The following DHX37 variants were observed in gnomAD, a reference collection of about 807,000 sequenced individuals.
DHX37 encodes the protein probable ATP-dependent RNA helicase DHX37.
A neutral mutation model predicts 134.3 loss-of-function variants in DHX37; 52 were observed. The observed-to-expected ratio is 0.39, with a 90% CI of 0.31 to 0.49. DHX37 has a LOEUF of 0.49. Ranked by LOEUF, DHX37 falls within the 20% of genes least tolerant of loss-of-function variation. The pLI, the probability that DHX37 is intolerant of heterozygous loss-of-function variation, is 0.93. For missense variants in DHX37, 1,344 were observed against 1,580.8 expected, an observed-to-expected ratio of 0.85 and a Z score of 2.54; for synonymous variants, 634 against 670.7, an observed-to-expected ratio of 0.95 and a Z score of 0.85.
chr12:124,972,590 G>A lies in DHX37; in HGVS notation c.990C>T (p.Ser330=). 1 of 1,614,180 alleles carries A rather than the reference G, an allele frequency of 6.2e-7. No homozygotes were observed. Among genetic ancestry groups the A allele is most frequent in the Non-Finnish European group, 8.5e-7 (1 of 1,180,004 alleles). The change falls in exon 7 of 27, where the codon TCC becomes TCT. Residue 330 remains serine (S), a synonymous_variant. Coordinates refer to ENST00000308736, the MANE Select transcript of DHX37 (RefSeq NM_032656.4). ...KEMNLSQRVV[S]YQIRYEGNVT... is the part of the protein sequence containing the mutation. ...CGTTTCCTTCATACCGGATCTGGTAGGAGACGACCCTGTATGGGCAGAGTT... is the reference window on the plus strand; with the variant it reads ...CGTTTCCTTCATACCGGATCTGGTAAGAGACGACCCTGTATGGGCAGAGTT...
intron 13 of DHX37, 74 bp downstream of exon 13, chr12:124,965,594 G>C: frequency 2.0e-6 from 3 of 1,469,818 alleles, no homozygotes; most frequent in Non-Finnish European, 2.7e-6. Context: ...CCCCCGGGGG[G>C]CCCACAAGGG....
intron 18 of DHX37, among the ~76,000 whole-genome samples, chr12:124,954,991 C>T (rs939224993): frequency 1.3e-5 from 2 of 152,182 alleles, no homozygotes; most frequent in South Asian, 2.1e-4. Flanking sequence ...GAGAGAGATT[C>T]GAACCATACC....
Position 124,960,364 on chromosome 12 carries a change from C to T in DHX37, c.2105G>A (p.Arg702Gln), listed in dbSNP as rs114877276. 30 of 1,614,002 alleles carry T rather than the reference C, an allele frequency of 1.9e-5. No individual in the cohort carries two copies. The highest frequency in any genetic ancestry group is 1.6e-4 in the Middle Eastern group (1 of 6,084). The change falls in exon 16 of 27, where the codon CGG becomes CAG. Residue 702 changes from arginine (R) to glutamine (Q), a missense_variant. Coordinates refer to ENST00000308736, the MANE Select transcript of DHX37 (RefSeq NM_032656.4). ...AAGGATTAAGTCTTCAACAGGCCTC[C>T]GGGTGATTTCTGGAGGAGGAAACTG... ...FEQFPPPEIT[R>Q]RPVEDLILQM...
rs996689491 is a variant in DHX37, at chr12:124,980,251, C to T, written c.738+239G>A. On this transcript the variant is annotated intron_variant, in intron 4 of 26. Transcript: ENST00000308736. The surrounding 1 kb of genome is among the most constrained non-coding windows in gnomAD (Gnocchi z 5.3). ...GCAGTGGCGATGAAGCTACTGCCGC[C>T]GACCTCCAGGGCCCCGAGCCTGCCA... Among the ~76,000 whole-genome samples the T allele has an allele frequency of 9.8e-5, 15 of 152,362 alleles. 1 individual carries two copies. Among genetic ancestry groups the T allele is most frequent in the African/African-American group, 1.4e-4 (6 of 41,592 alleles).
At chr12:124,956,661 G>A in intron 18 of DHX37, 30 bp downstream of exon 18, 1 of 1,518,928 alleles carries the variant, frequency 6.6e-7, no homozygotes, top group Non-Finnish European at 8.9e-7. Flanking sequence ...ACTGAGCTTG[G>A]CCCTGAGTGC....
intron 15 of DHX37, among the ~76,000 whole-genome samples, chr12:124,961,176 GCATGCGCGCACGCA>G (rs1463815482): frequency 2.6e-5 from 2 of 76,256 alleles, no homozygotes; most frequent in African/African-American, 5.7e-5. Context: ...ATACACGCGC[GCATGCGCGCACGCA>G]CACACACACA....
chr12:124,960,510 CA>C (rs1954214725), intron 15 of DHX37, 87 bp from the exon 16 acceptor site: 1 of 1,544,984 alleles, frequency 6.5e-7, no homozygotes, highest in African/African-American at 1.4e-5. Context: ...GAAACCGGGA[CA>C]ACAAACAAAA....
In DHX37 at chr12:124,980,742, C is replaced by T; in HGVS notation, c.486G>A (p.Glu162=). 3 of 1,558,422 alleles carry T rather than the reference C, an allele frequency of 1.9e-6. No individual in the cohort carries two copies. Among genetic ancestry groups the T allele is most frequent in the Non-Finnish European group, 2.6e-6 (3 of 1,153,394 alleles). ...ATTCCGACTCCTCCTCCTCCTCCTC[C>T]TCCTCCTCAGCTGAGGGCCAGCGGC... ...KRRRWPSAEE[E]EEEEEESESE... The change falls in exon 4 of 27, where the codon GAG becomes GAA. Residue 162 remains glutamate, a synonymous_variant. Transcript: ENST00000308736. The surrounding 1 kb of genome is among the most constrained non-coding windows in gnomAD (Gnocchi z 5.3).
chr12:124,948,360 G>T, intron 25 of DHX37, 179 bp from the exon 26 acceptor site: 1 of 1,179,308 alleles, frequency 8.5e-7, no homozygotes, highest in Non-Finnish European at 1.2e-6. Flanking sequence ...TGAAGTAGGA[G>T]GATCCCTTGA....
intron 25 of DHX37, 24 bp from the exon 26 acceptor site, chr12:124,948,205 G>A: frequency 6.2e-7 from 1 of 1,608,902 alleles, no homozygotes; most frequent in Non-Finnish European, 8.5e-7. Context: ...ATGCACGTTG[G>A]TGGCAGGCAG....
At chr12:124,967,399 G>C (rs1448412394) in intron 10 of DHX37, among the ~76,000 whole-genome samples, 181 bp from the exon 11 acceptor site, 1 of 152,212 alleles carries the variant, frequency 6.6e-6, no homozygotes, top group Non-Finnish European at 1.5e-5. Context: ...TGCCGCCAGG[G>C]AGTTCAACAA....
rs1205309273 is a variant in DHX37, at chr12:124,968,623, G to C, written c.1319C>G (p.Thr440Ser). 1 of 1,614,150 alleles carries C rather than the reference G, an allele frequency of 6.2e-7. No homozygotes were observed. The highest frequency in any genetic ancestry group is 8.5e-7 in the Non-Finnish European group (1 of 1,180,050). Residue 440 changes from threonine (T) to serine (S), a missense_variant, in exon 10 of 27, where the codon ACT (threonine) becomes AGT (serine). Thr to Ser is a moderately conservative substitution (Grantham distance 58). Around this residue, in one of 7 missense-constraint regions of DHX37, gnomAD observed 289 missense variants for 323.8 expected, o/e 0.89. Transcript: ENST00000308736. ...CGGTGTCCGCTTGTTGAAATGCACA[G>C]TCACTGGGAACTGCCTGGATTCCAC... ...IKVESRQFPV[T>S]VHFNKRTPLE...
intron 8 of DHX37, among the ~76,000 whole-genome samples, chr12:124,970,013 C>T (rs1222253018): frequency 6.6e-6 from 1 of 152,230 alleles, no homozygotes; most frequent in Admixed American, 6.5e-5. Flanking sequence ...CGCTTTCTCA[C>T]CCAGGCTGGA....
In DHX37 at chr12:124,980,646, G is replaced by C. The variant is rs1255308814; in HGVS notation, c.582C>G (p.Thr194=). Residue 194 remains threonine, a synonymous_variant, in exon 4 of 27, where the codon ACC becomes ACG. Coordinates refer to ENST00000308736, the MANE Select transcript of DHX37 (RefSeq NM_032656.4). The surrounding 1 kb of genome is among the most constrained non-coding windows in gnomAD (Gnocchi z 5.3). ...AAEPAEAGVG[T]TVAPLPPAPA... is the part of the protein sequence containing the mutation. ...GAGCTGGCGGCAGAGGTGCCACGGT[G>C]GTCCCCACACCAGCCTCAGCCGGCT... The C allele has an allele frequency of 6.2e-7, 1 of 1,605,540 alleles. No individual in the cohort carries two copies. The highest frequency in any genetic ancestry group is 8.5e-7 in the Non-Finnish European group (1 of 1,178,312).
intron 15 of DHX37, among the ~76,000 whole-genome samples, chr12:124,962,078 C>T (rs554023438): frequency 1.3e-5 from 2 of 152,284 alleles, no homozygotes; most frequent in South Asian, 4.1e-4. Flanking sequence ...CACAGTGCCA[C>T]GTGCCTCTAC....
Position 124,947,560 on chromosome 12 carries a change from G to A in DHX37, c.*242C>T. 5.9e-6 allele frequency: 3 copies of A among 507,812 alleles called. No homozygotes were observed. Among genetic ancestry groups the A allele is most frequent in the Middle Eastern group, 1.0e-3 (2 of 1,974 alleles). The allele number at this position is 507,812 out of a possible 1,614,324, so 31.5% of individuals were successfully genotyped here. On this transcript the variant is annotated 3_prime_UTR_variant, in exon 27 of 27. Transcript: ENST00000308736. ...GAACAGAACAGCGTCCAGCACGTGA[G>A]ATGAAATCATCATCCACCATATAAT... is the stretch of plus-strand genomic sequence containing the variant.
intron 4 of DHX37, among the ~76,000 whole-genome samples, chr12:124,979,355 T>C (rs751147109): frequency 1.3e-5 from 2 of 151,840 alleles, no homozygotes; most frequent in Non-Finnish European, 2.9e-5. Flanking sequence ...GGTGACAGAG[T>C]GAGACCCTGT....
At chr12:124,971,541 G>A in intron 7 of DHX37, 126 bp from the exon 8 acceptor site, 1 of 1,452,992 alleles carries the variant, frequency 6.9e-7, no homozygotes, top group Non-Finnish European at 9.3e-7. Flanking sequence ...TCAGAGGTGA[G>A]CTGCTCAACT....
rs2135923999 is a variant in DHX37 at position 124,947,088 on chromosome 12, TC to T, written c.*713del. 6.6e-6 allele frequency: 1 copy of T among 151,404 alleles called. No individual in the cohort carries two copies. Among genetic ancestry groups the T allele is most frequent in the South Asian group, 2.1e-4 (1 of 4,760 alleles). The allele number at this position is 151,404 out of a possible 1,614,324, so 9.4% of individuals were successfully genotyped here. A position where few individuals can be genotyped will look rare whatever the true frequency, so the allele number is the denominator to read the frequency against. On this transcript the variant is annotated 3_prime_UTR_variant, in exon 27 of 27. Transcript: ENST00000308736. ...GGGAGACAAACTGAGGGCTCTGCAG[TC>T]CCCGTTCAAGGCCAACATAATAGTC...
Sources: allele counts gnomAD v4.1 joint callset (sites outside exome capture counted in the v4.1 genomes callset), GRCh38; gene constraint gnomAD v4.1.1; regional missense constraint gnomAD v4.1.1; non-coding constraint Gnocchi (gnomAD v3.1); transcripts MANE v1.5; gene names NCBI Gene and HGNC (gene_info 2026-07-23, HGNC 2026-07-21).